Variants in VPS13B observed in about 807,000 individuals in gnomAD.
The protein encoded by VPS13B is intermembrane lipid transfer protein VPS13B.
In VPS13B, 285 loss-of-function variants were observed where a neutral mutation model predicts 426.4. That is an observed-to-expected ratio of 0.67 (90% confidence interval 0.61 to 0.74). The LOEUF is 0.74. Ranked by LOEUF, VPS13B falls within the 30% of genes least tolerant of loss-of-function variation. VPS13B has a pLI of 0.00. For synonymous variants in VPS13B, 1,676 were observed against 1,676.4 expected (o/e 1.00, Z 0.01); for missense variants, 4,537 against 4,782.6 (o/e 0.95, Z 1.51).
intron 33 of VPS13B, among the ~76,000 whole-genome samples, chr8:99,579,551 C>G (rs1825947560): frequency 6.6e-6 from 1 of 152,066 alleles, no homozygotes; most frequent in Non-Finnish European, 1.5e-5. Context: ...GTGCCTGCCA[C>G]CATGCCCAGC....
In VPS13B at chr8:99,296,437, T is replaced by A. The variant is rs189409546; in HGVS notation, c.2824+21183T>A. Among the ~76,000 whole-genome samples, 55 of 152,272 alleles carry A rather than the reference T, an allele frequency of 3.6e-4. No individual in the cohort carries two copies. The East Asian group carries it at 0.01, about 28-fold the overall frequency. On this transcript the variant is annotated intron_variant, in intron 19 of 61. Coordinates refer to ENST00000357162, the MANE Select transcript of VPS13B (RefSeq NM_152564.5). ...ATATGCTAGATTCTTATTTCTAATA[T>A]TACTACAATATGCCATTTTTTCTAA...
At chr8:99,486,288 C>T (rs1051740589) in intron 25 of VPS13B, among the ~76,000 whole-genome samples, 8 of 152,030 alleles carry the variant, frequency 5.3e-5, no homozygotes, top group African/African-American at 1.7e-4. Flanking sequence ...TGCAGTGGCG[C>T]GATCTCGGCT....
intron 39 of VPS13B, among the ~76,000 whole-genome samples, chr8:99,754,896 C>T (rs929531484): frequency 4.6e-5 from 7 of 152,138 alleles, no homozygotes; most frequent in African/African-American, 1.7e-4. Context: ...CCCATGCCCC[C>T]ACTCCCTGCC....
At position 99,042,706 on chromosome 8, in the gene VPS13B, C is replaced by T. The variant is rs537162397; in HGVS notation, c.291+4140C>T. 5.3e-5 allele frequency among the ~76,000 whole-genome samples: 8 copies of T among 152,174 alleles called. 1 individual carries two copies. Among genetic ancestry groups the T allele is most frequent in the South Asian group, 2.1e-4 (1 of 4,812 alleles). On this transcript the variant is annotated intron_variant, in intron 3 of 61. Transcript: ENST00000357162. ...CTTGCTGTGTTGCCCAGGCTGGTCT[C>T]GAACTCCTGGCCTCAAGTGACCCTC...
chr8:99,667,037 AT>A (rs1830516196), intron 35 of VPS13B, among the ~76,000 whole-genome samples: 1 of 152,174 alleles, frequency 6.6e-6, no homozygotes, highest in Non-Finnish European at 1.5e-5. Flanking sequence ...AATAGTGATA[AT>A]ATATTTAGAG....
intron 23 of VPS13B, among the ~76,000 whole-genome samples, chr8:99,457,917 CTT>C (rs578207936): frequency 1.3e-5 from 2 of 151,666 alleles, no homozygotes; most frequent in Non-Finnish European, 2.9e-5. Context: ...TTGCTGATTT[CTT>C]TTTTTTATAT....
At chr8:99,681,479 ACTGTATGCC>A (rs1831153879) in intron 35 of VPS13B, among the ~76,000 whole-genome samples, 1 of 152,194 alleles carries the variant, frequency 6.6e-6, no homozygotes, top group South Asian at 2.1e-4. Context: ...CAGAGGTTGC[ACTGTATGCC>A]CTGTATGGAA....
intron 30 of VPS13B, among the ~76,000 whole-genome samples, chr8:99,554,707 A>G (rs1213557076): frequency 1.3e-5 from 2 of 152,114 alleles, no homozygotes; most frequent in Non-Finnish European, 2.9e-5. Flanking sequence ...CTTCATAAAA[A>G]CAGAGTTAGC....
chr8:99,323,488 A>G (rs966364492), intron 19 of VPS13B, among the ~76,000 whole-genome samples: 1 of 152,222 alleles, frequency 6.6e-6, no homozygotes, highest in African/African-American at 2.4e-5. Flanking sequence ...TAGGCAATAT[A>G]TTGCAATATG....
intron 35 of VPS13B, among the ~76,000 whole-genome samples, chr8:99,681,330 C>T (rs1211252811): frequency 2.0e-5 from 3 of 152,060 alleles, no homozygotes; most frequent in Non-Finnish European, 4.4e-5. Flanking sequence ...TCCAACTTGC[C>T]CAACTGGGAC....
chr8:99,029,651 C>G (rs1372733265), intron 2 of VPS13B, among the ~76,000 whole-genome samples: 1 of 151,712 alleles, frequency 6.6e-6, no homozygotes, highest in African/African-American at 2.4e-5. Flanking sequence ...CGGCGCGCGC[C>G]TGCAATCGCA....
intron 30 of VPS13B, among the ~76,000 whole-genome samples, chr8:99,527,615 C>T (rs7827408): frequency 0.022 from 3,334 of 152,158 alleles, 125 homozygotes; most frequent in African/African-American, 0.074. Context: ...CTTTATCTTA[C>T]ACAACCCCTT....
At chr8:99,579,688 G>A (rs1243275870) in intron 33 of VPS13B, among the ~76,000 whole-genome samples, 9 of 149,134 alleles carry the variant, frequency 6.0e-5, no homozygotes, top group Admixed American at 4.1e-4. Flanking sequence ...GTGAGCCACC[G>A]CGCCTGGCCT....
intron 4 of VPS13B, among the ~76,000 whole-genome samples, chr8:99,099,079 C>G (rs1411310780): frequency 6.6e-6 from 1 of 152,048 alleles, no homozygotes; most frequent in Non-Finnish European, 1.5e-5. Flanking sequence ...GTATCACCAA[C>G]TCACATCGGT....
chr8:99,527,378 T>A (rs1400107833), intron 30 of VPS13B, among the ~76,000 whole-genome samples: 1 of 152,170 alleles, frequency 6.6e-6, no homozygotes, highest in African/African-American at 2.4e-5. Flanking sequence ...CACTGTGCAA[T>A]GCGTAGCCCA....
intron 29 of VPS13B, among the ~76,000 whole-genome samples, chr8:99,513,906 C>T (rs923169913): frequency 5.3e-5 from 8 of 152,066 alleles, no homozygotes; most frequent in Non-Finnish European, 1.2e-4. Context: ...CATAGCGGCT[C>T]CTCAATGTGG....
chr8:99,739,348 A>G (rs1375216451), intron 39 of VPS13B, among the ~76,000 whole-genome samples: 1 of 152,238 alleles, frequency 6.6e-6, no homozygotes, highest in Non-Finnish European at 1.5e-5. Context: ...GGTGGAGCCC[A>G]CCGCAGCTCA....
chr8:99,534,884 T>C (rs1320553687), intron 30 of VPS13B, among the ~76,000 whole-genome samples: 1 of 152,194 alleles, frequency 6.6e-6, no homozygotes, highest in Non-Finnish European at 1.5e-5. Flanking sequence ...AACCTGCACA[T>C]CATCATAAAA....
intron 59 of VPS13B, among the ~76,000 whole-genome samples, chr8:99,869,689 T>C (rs1360881385): frequency 1.3e-5 from 2 of 152,214 alleles, no homozygotes; most frequent in African/African-American, 4.8e-5. Flanking sequence ...AAAATGCCAT[T>C]GTCCCTCACC....
Sources: gnomAD v4.1 joint callset for allele counts (sites outside exome capture counted in the v4.1 genomes callset) on GRCh38, gnomAD v4.1.1 for gene constraint, MANE v1.5 for transcripts, NCBI Gene and HGNC (gene_info 2026-07-23, HGNC 2026-07-21) for gene names.